The following HEATR6 variants were observed in gnomAD, a reference collection of about 807,000 sequenced individuals.
HEATR6 encodes HEAT repeat-containing protein 6.
In HEATR6, 106 loss-of-function variants were observed where a neutral mutation model predicts 132.8. That is an observed-to-expected ratio of 0.80 (90% confidence interval 0.68 to 0.94). The LOEUF (loss-of-function observed/expected upper bound fraction) is 0.94. Ranked by LOEUF, HEATR6 falls within the 40% of genes least tolerant of loss-of-function variation. HEATR6 has a pLI of 0.00. For synonymous variants in HEATR6, 529 were observed against 537.8 expected (o/e 0.98, Z 0.23); for missense variants, 1,339 against 1,425.1 (o/e 0.94, Z 0.97).
At chr17:60,073,675 C>G in intron 3 of HEATR6, 71 bp downstream of exon 3, 2 of 1,458,962 alleles carry the variant, frequency 1.4e-6, no homozygotes, top group Admixed American at 1.9e-5. Context: ...AGATAGAAAC[C>G]TGAACACAGT....
intron 14 of HEATR6, among the ~76,000 whole-genome samples, chr17:60,052,809 T>G (rs909615789): frequency 1.3e-5 from 2 of 152,046 alleles, no homozygotes; most frequent in Non-Finnish European, 2.9e-5. Flanking sequence ...AGAAACAACC[T>G]GAAATCACAG....
At position 60,043,372 on chromosome 17, in the gene HEATR6, C is replaced by A; in HGVS notation, c.*191G>T. 4 of 584,488 alleles carry A rather than the reference C, an allele frequency of 6.8e-6. No individual in the cohort carries two copies. In the South Asian group the frequency reaches 8.6e-5, roughly 13 times the overall value. The allele number at this position is 584,488 out of a possible 1,614,324, so 36.2% of individuals were successfully genotyped here. ...AGGTCAGATGTTCCAACAACCCTGA[C>A]CATGGCCAGTGCTATGGAGTCACTC... is the stretch of plus-strand genomic sequence containing the variant. On this transcript the variant is annotated 3_prime_UTR_variant, in exon 20 of 20. Coordinates refer to ENST00000184956, the MANE Select transcript of HEATR6 (RefSeq NM_022070.5).
At chr17:60,066,419 T>TTAAAAAATC (rs1192414025) in intron 8 of HEATR6, 33 bp from the exon 9 acceptor site, 4 of 1,476,206 alleles carry the variant, frequency 2.7e-6, no homozygotes, top group Middle Eastern at 3.7e-4. Flanking sequence ...GAAAAAACAC[T>TTAAAAAATC]TAAAAAATCA....
intron 17 of HEATR6, 53 bp from the exon 18 acceptor site, chr17:60,047,458 T>C: frequency 9.9e-7 from 1 of 1,013,864 alleles, no homozygotes; most frequent in Non-Finnish European, 1.5e-6. Context: ...CACTTAAATA[T>C]ATACATATAG....
intron 15 of HEATR6, among the ~76,000 whole-genome samples, chr17:60,050,137 TC>T (rs1387323188): frequency 6.6e-6 from 1 of 151,966 alleles, no homozygotes; most frequent in East Asian, 1.9e-4. Flanking sequence ...GGAGATGAGG[TC>T]ATGGGAACAG....
rs772764006 is a variant in HEATR6, at chr17:60,057,093, T to A, written c.2034A>T (p.Ala678=). The A allele has an allele frequency of 6.2e-7, 1 of 1,613,550 alleles. No homozygotes were observed. The highest frequency in any genetic ancestry group is 1.1e-5 in the South Asian group (1 of 91,032). The change falls in exon 12 of 20, where the codon GCA becomes GCT. Residue 678 remains alanine, a synonymous_variant. Transcript: ENST00000184956. ...SCSGSDAGSA[A]GSTYEPSPMR... is the part of the protein sequence containing the mutation. ...TGGGGGATGGTTCGTAGGTGCTTCC[T>A]GCTGCAGAGCCAGCATCGCTACCTG... is the stretch of plus-strand genomic sequence containing the variant.
intron 14 of HEATR6, among the ~76,000 whole-genome samples, chr17:60,054,761 G>T (rs1252960249): frequency 6.6e-6 from 1 of 152,176 alleles, no homozygotes; most frequent in East Asian, 1.9e-4. Context: ...GAAGGAACTT[G>T]CCTTGAGTCA....
chr17:60,073,841 T>C lies in HEATR6; in HGVS notation c.373A>G (p.Ile125Val), dbSNP rs147032353. The change falls in exon 3 of 20, where the codon ATT becomes GTT. Residue 125 changes from isoleucine to valine, a missense_variant. By Grantham distance (29) the Ile-to-Val change is conservative. Transcript: ENST00000184956. ...QHLDFLLAYTISAIHQCSSWT... is the reference protein window; with the variant it reads ...QHLDFLLAYTVSAIHQCSSWT... ...GAACTACACTGATGAATAGCCGAAA[T>C]AGTATATGCCAACAGGAAATCCAAG... 7 of 1,614,020 alleles carry C rather than the reference T, an allele frequency of 4.3e-6. No individual in the cohort carries two copies. Among genetic ancestry groups the C allele is most frequent in the South Asian group, 1.1e-5 (1 of 91,076 alleles).
In HEATR6 at chr17:60,067,639, C is replaced by T; in HGVS notation, c.1033G>A (p.Val345Ile). The T allele has an allele frequency of 1.2e-6, 2 of 1,613,000 alleles. No individual in the cohort carries two copies. Among genetic ancestry groups the T allele is most frequent in the Admixed American group, 3.3e-5 (2 of 59,806 alleles). The change falls in exon 8 of 20, where the codon GTC (valine) becomes ATC (isoleucine). Residue 345 changes from valine to isoleucine, a missense_variant. By Grantham distance (29) the Val-to-Ile change is conservative (BLOSUM62 3). Coordinates refer to ENST00000184956, the MANE Select transcript of HEATR6 (RefSeq NM_022070.5). ...ESSGEIEAAP[V>I]TGTGRVNLHE... Reference sequence around the variant, plus strand: ...AGGTTCACTCTGCCTGTGCCAGTGACTGGGGCTGCCTCTATTTCACCACTG... The same window carrying T: ...AGGTTCACTCTGCCTGTGCCAGTGATTGGGGCTGCCTCTATTTCACCACTG...
chr17:60,076,304 C>A, intron 1 of HEATR6, 67 bp from the exon 2 acceptor site: 14 of 760,290 alleles, frequency 1.8e-5, no homozygotes, highest in South Asian at 3.4e-5. Context: ...AAAACACAGC[C>A]AAATGGGAAA....
intron 11 of HEATR6, among the ~76,000 whole-genome samples, chr17:60,057,664 T>C (rs544205030): frequency 6.6e-6 from 1 of 152,168 alleles, no homozygotes; most frequent in Admixed American, 6.5e-5. Flanking sequence ...TATAAGACAA[T>C]TGGGTTGGAT....
At chr17:60,078,486 T>C (rs1201368482) in intron 1 of HEATR6, among the ~76,000 whole-genome samples, 1 of 151,040 alleles carries the variant, frequency 6.6e-6, no homozygotes, top group African/African-American at 2.4e-5. Flanking sequence ...AGTCGTCAAG[T>C]TGGGTTTTGA....
chr17:60,072,581 G>C (rs1001966549), intron 4 of HEATR6, among the ~76,000 whole-genome samples: 3 of 152,154 alleles, frequency 2.0e-5, no homozygotes. Flanking sequence ...AAGAACTATG[G>C]AGAAAGAAAA....
At chr17:60,069,673 A>T in intron 7 of HEATR6, 38 bp downstream of exon 7, 1 of 1,593,898 alleles carries the variant, frequency 6.3e-7, no homozygotes, top group Non-Finnish European at 8.6e-7. Context: ...TCTATTAAAA[A>T]TAAGCCACAA....
At chr17:60,054,387 G>C (rs913294913) in intron 14 of HEATR6, among the ~76,000 whole-genome samples, 2 of 152,254 alleles carry the variant, frequency 1.3e-5, no homozygotes, top group Non-Finnish European at 2.9e-5. Flanking sequence ...TACTAGGGCA[G>C]TGCCAAAGAG....
chr17:60,047,164 C>T, intron 18 of HEATR6, 145 bp downstream of exon 18: 1 of 508,860 alleles, frequency 2.0e-6, no homozygotes, highest in East Asian at 3.2e-5. Flanking sequence ...CCATTTATAC[C>T]CTGAGCACAC....
chr17:60,057,300 A>G lies in HEATR6; in HGVS notation c.1827T>C (p.Ser609=), dbSNP rs542279411. 1.9e-6 allele frequency: 3 copies of G among 1,614,102 alleles called. No individual in the cohort carries two copies. Among genetic ancestry groups the G allele is most frequent in the African/African-American group, 2.7e-5 (2 of 74,946 alleles). The change falls in exon 12 of 20, where the codon TCT becomes TCC. Residue 609 remains serine, a synonymous_variant. Coordinates refer to ENST00000184956, the MANE Select transcript of HEATR6 (RefSeq NM_022070.5). ...VQLLLQQPCS[S]GLGNSNSATP... is the part of the protein sequence containing the mutation. ...TTGCTGAATTGCTATTACCGAGTCC[A>G]GAAGAACATGGCTGTTGCAGAAGTA... is the stretch of plus-strand genomic sequence containing the variant.
At chr17:60,053,944 G>A (rs1446511736) in intron 14 of HEATR6, among the ~76,000 whole-genome samples, 2 of 152,212 alleles carry the variant, frequency 1.3e-5, no homozygotes, top group African/African-American at 4.8e-5. Flanking sequence ...ATCCAAGCTC[G>A]GAGCAACCAC....
chr17:60,044,015 G>T lies in HEATR6; in HGVS notation c.3094C>A (p.Gln1032Lys), dbSNP rs772962625. 1 of 1,613,992 alleles carries T rather than the reference G, an allele frequency of 6.2e-7. No homozygotes were observed. Among genetic ancestry groups the T allele is most frequent in the African/African-American group, 1.3e-5 (1 of 74,918 alleles). Residue 1032 changes from glutamine (Q) to lysine (K), a missense_variant, in exon 20 of 20, where the codon CAG (glutamine) becomes AAG (lysine). Physicochemically the swap from Gln to Lys is moderately conservative, Grantham distance 53. Coordinates refer to ENST00000184956, the MANE Select transcript of HEATR6 (RefSeq NM_022070.5). Reference sequence around the variant, plus strand: ...GCATACTGGTCAACAGACCCGTACTGCTCTCTCTTCCCCGGGACGGAAAGG... The same window carrying T: ...GCATACTGGTCAACAGACCCGTACTTCTCTCTCTTCCCCGGGACGGAAAGG... ...AALSVPGKRE[Q>K]YGSVDQYARI... is the part of the protein sequence containing the mutation.
Sources: allele counts gnomAD v4.1 joint callset (sites outside exome capture counted in the v4.1 genomes callset), GRCh38; gene constraint gnomAD v4.1.1; transcripts MANE v1.5; gene names NCBI Gene and HGNC (gene_info 2026-07-23, HGNC 2026-07-21).